LEKR1: variants seen among roughly 807,000 people sequenced by gnomAD.
The protein encoded by LEKR1 is protein LEKR1.
Under a neutral mutation model 72.4 loss-of-function variants are expected in LEKR1, and 59 were observed. The observed-to-expected ratio is 0.82, with a 90% CI of 0.66 to 1.01. The LOEUF (loss-of-function observed/expected upper bound fraction) is 1.01, where lower values mean the gene tolerates loss of function less well. LEKR1 is among the 50% of genes least tolerant of loss of function. The probability of loss-of-function intolerance (pLI) is 0.00; values close to 1 mark genes in which losing one functional copy is unlikely to be tolerated. For synonymous variants in LEKR1, 257 were observed against 263.2 expected, an observed-to-expected ratio of 0.98 and a Z score of 0.23; for missense variants, 728 against 759.2, an observed-to-expected ratio of 0.96 and a Z score of 0.48.
intron 3 of LEKR1, among the ~76,000 whole-genome samples, chr3:156,858,288 T>G (rs766608818): frequency 1.3e-5 from 2 of 152,194 alleles, no homozygotes; most frequent in Non-Finnish European, 2.9e-5. Flanking sequence ...AGAGCTTTTT[T>G]TCCTAGGAAA....
intron 3 of LEKR1, among the ~76,000 whole-genome samples, chr3:156,884,787 A>G (rs1413811752): frequency 6.6e-6 from 1 of 152,174 alleles, no homozygotes; most frequent in African/African-American, 2.4e-5. Flanking sequence ...TGAATTTCCC[A>G]GGTGTTATTT....
At chr3:156,997,275 T>G (rs1731655431) in intron 9 of LEKR1, among the ~76,000 whole-genome samples, 2 of 152,144 alleles carry the variant, frequency 1.3e-5, no homozygotes, top group South Asian at 4.1e-4. Context: ...AACTTGACTT[T>G]CCTCTTTCCA....
intron 6 of LEKR1, among the ~76,000 whole-genome samples, chr3:156,965,192 G>A (rs1728459172): frequency 6.6e-6 from 1 of 152,024 alleles, no homozygotes; most frequent in African/African-American, 2.4e-5. Flanking sequence ...AGATAGAGTG[G>A]TTAAATAATT....
chr3:156,884,385 A>G, intron 3 of LEKR1, among the ~76,000 whole-genome samples: 1 of 151,690 alleles, frequency 6.6e-6, no homozygotes, highest in Non-Finnish European at 1.5e-5. Flanking sequence ...TGTAAGATTT[A>G]TCTTTTAAGG....
intron 3 of LEKR1, among the ~76,000 whole-genome samples, chr3:156,886,358 G>T (rs1376790407): frequency 6.6e-6 from 1 of 152,088 alleles, no homozygotes; most frequent in African/African-American, 2.4e-5. Flanking sequence ...ACCAAGCATG[G>T]CTTTCAAACC....
intron 6 of LEKR1, among the ~76,000 whole-genome samples, chr3:156,952,290 A>G (rs1351936033): frequency 6.6e-6 from 1 of 151,466 alleles, no homozygotes; most frequent in African/African-American, 2.4e-5. Context: ...ATGGAGGCAC[A>G]TCGAAACCAT....
Position 157,045,983 on chromosome 3 carries a change from C to T in LEKR1, c.*233C>T, listed in dbSNP as rs1385640021. ...TTAAGTTGTTGGTATTCCAGAGGTCCGATTTCTATGTTTATGTTGGAATGT... is the reference window on the plus strand; with the variant it reads ...TTAAGTTGTTGGTATTCCAGAGGTCTGATTTCTATGTTTATGTTGGAATGT... On this transcript the variant is annotated 3_prime_UTR_variant, in exon 13 of 13. Transcript: ENST00000356539. The T allele has an allele frequency of 2.8e-5, 13 of 465,950 alleles. No homozygotes were observed. In the East Asian group the frequency reaches 3.4e-4, roughly 12 times the overall value. The allele number at this position is 465,950 out of a possible 1,614,324, so 28.9% of individuals were successfully genotyped here.
intron 2 of LEKR1, among the ~76,000 whole-genome samples, chr3:156,840,349 A>G (rs897936993): frequency 3.9e-5 from 6 of 152,174 alleles, no homozygotes; most frequent in Non-Finnish European, 8.8e-5. Context: ...TTTAGTTTTT[A>G]TGCTGTTCTC....
At chr3:156,976,374 G>A (rs1576932076) in intron 6 of LEKR1, among the ~76,000 whole-genome samples, 1 of 152,054 alleles carries the variant, frequency 6.6e-6, no homozygotes, top group East Asian at 1.9e-4. Flanking sequence ...TCAGACCTAT[G>A]CTTCATCTAG....
chr3:156,954,653 A>G (rs907995468), intron 6 of LEKR1, among the ~76,000 whole-genome samples: 7 of 152,114 alleles, frequency 4.6e-5, no homozygotes, highest in African/African-American at 1.7e-4. Context: ...GGTTTGTCAA[A>G]TATCAGAGGT....
intron 9 of LEKR1, among the ~76,000 whole-genome samples, chr3:156,997,791 G>C (rs1731698984): frequency 6.6e-6 from 1 of 152,186 alleles, no homozygotes; most frequent in Non-Finnish European, 1.5e-5. Flanking sequence ...AAAAAAACTA[G>C]CAGAACTTCT....
chr3:157,006,744 C>T (rs1732468380), intron 9 of LEKR1, among the ~76,000 whole-genome samples: 1 of 151,958 alleles, frequency 6.6e-6, no homozygotes, highest in African/African-American at 2.4e-5. Context: ...TAAAAGATGC[C>T]AGACCAAAAA....
rs543419244 is a variant in LEKR1, at chr3:156,991,024, A to T, written c.828-1629A>T. Among the ~76,000 whole-genome samples the T allele has an allele frequency of 9.8e-5, 15 of 152,336 alleles. No individual in the cohort carries two copies. In the East Asian group the frequency reaches 1.3e-3, roughly 14 times the overall value. On this transcript the variant is annotated intron_variant, in intron 7 of 12. Coordinates refer to ENST00000356539, the MANE Select transcript of LEKR1 (RefSeq NM_001004316.3). ...GCAGTGTATTATATGTCAATACAAT[A>T]CCTTAATAGAGACATTTTTACAAAA...
intron 9 of LEKR1, among the ~76,000 whole-genome samples, chr3:156,996,809 G>T (rs1239128305): frequency 1.3e-5 from 2 of 152,120 alleles, no homozygotes; most frequent in African/African-American, 2.4e-5. Context: ...TCATGCCTGT[G>T]ATTCCAGCAC....
chr3:157,036,202 T>C (rs1434539968), intron 12 of LEKR1, among the ~76,000 whole-genome samples: 1 of 151,986 alleles, frequency 6.6e-6, no homozygotes, highest in African/African-American at 2.4e-5. Flanking sequence ...GTATAATTAA[T>C]ATCCTCAGAG....
intron 3 of LEKR1, among the ~76,000 whole-genome samples, chr3:156,901,410 T>C (rs916776412): frequency 5.3e-5 from 8 of 152,190 alleles, no homozygotes; most frequent in Non-Finnish European, 1.0e-4. Flanking sequence ...TCTTCATACC[T>C]AACCATGAGC....
chr3:157,035,076 A>G (rs965078896), intron 12 of LEKR1, among the ~76,000 whole-genome samples: 8 of 152,204 alleles, frequency 5.3e-5, no homozygotes, highest in African/African-American at 1.9e-4. Flanking sequence ...AGCATTTTTT[A>G]GCAGTAAAAT....
intron 3 of LEKR1, among the ~76,000 whole-genome samples, chr3:156,888,633 T>C (rs1417329847): frequency 6.6e-6 from 1 of 152,206 alleles, no homozygotes; most frequent in Non-Finnish European, 1.5e-5. Context: ...TTTATTTTGC[T>C]TGTGTTTGTT....
chr3:156,971,005 G>C (rs1403900767), intron 6 of LEKR1, among the ~76,000 whole-genome samples: 1 of 151,444 alleles, frequency 6.6e-6, no homozygotes, highest in African/African-American at 2.4e-5. Flanking sequence ...AGTTCATATG[G>C]AACCAAAAAA....
Sources: gnomAD v4.1 joint callset for allele counts (sites outside exome capture counted in the v4.1 genomes callset) on GRCh38, gnomAD v4.1.1 for gene constraint, MANE v1.5 for transcripts, NCBI Gene and HGNC (gene_info 2026-07-23, HGNC 2026-07-21) for gene names.